Variants in DROSHA observed in about 807,000 individuals in gnomAD.
DROSHA encodes the protein ribonuclease 3.
A neutral mutation model predicts 181.9 loss-of-function variants in DROSHA; 56 were observed. The ratio of observed to expected loss-of-function variants is 0.31; its 90% CI spans 0.25 to 0.38. The LOEUF (loss-of-function observed/expected upper bound fraction) is 0.38, where lower values mean the gene tolerates loss of function less well. Among genes scored for constraint, DROSHA ranks in the 10% least tolerant of loss-of-function variants. The probability of loss-of-function intolerance (pLI) is 1.00; values close to 1 mark genes in which losing one functional copy is unlikely to be tolerated. For missense variants in DROSHA, 1,218 were observed against 1,743.5 expected (o/e 0.70, Z 5.37); for synonymous variants, 524 against 591.2 (o/e 0.89, Z 1.65).
chr5:31,419,121 A>G (rs1742323962), intron 30 of DROSHA, among the ~76,000 whole-genome samples: 1 of 152,204 alleles, frequency 6.6e-6, no homozygotes, highest in South Asian at 2.1e-4. Flanking sequence ...TAAAGAGGTA[A>G]GAGGAAACCC....
chr5:31,513,165 C>T (rs1561280001), intron 8 of DROSHA, among the ~76,000 whole-genome samples: 1 of 152,168 alleles, frequency 6.6e-6, no homozygotes, highest in African/African-American at 2.4e-5. Flanking sequence ...TCGGGCAAGA[C>T]ACTAGAAGAA....
At chr5:31,503,352 C>A (rs1737526062) in intron 11 of DROSHA, among the ~76,000 whole-genome samples, 1 of 152,200 alleles carries the variant, frequency 6.6e-6, no homozygotes, top group African/African-American at 2.4e-5. Flanking sequence ...CAAAATGGGA[C>A]CATTCCTCCA....
chr5:31,529,612 G>A (rs1344022871), intron 3 of DROSHA, among the ~76,000 whole-genome samples: 1 of 151,976 alleles, frequency 6.6e-6, no homozygotes, highest in Non-Finnish European at 1.5e-5. Flanking sequence ...GTGGGCGCCT[G>A]TAGTCCCAGC....
chr5:31,477,205 T>C (rs1330674247), intron 16 of DROSHA, among the ~76,000 whole-genome samples: 1 of 152,168 alleles, frequency 6.6e-6, no homozygotes, highest in Non-Finnish European at 1.5e-5. Context: ...GACCCAATTC[T>C]CTCAGTTTAT....
At chr5:31,510,504 A>T (rs1406457342) in intron 9 of DROSHA, among the ~76,000 whole-genome samples, 1 of 152,258 alleles carries the variant, frequency 6.6e-6, no homozygotes, top group Non-Finnish European at 1.5e-5. Context: ...AAGGATACAA[A>T]GTGATAAAAA....
chr5:31,446,703 TG>T (rs1216614773), intron 23 of DROSHA, among the ~76,000 whole-genome samples: 1 of 142,810 alleles, frequency 7.0e-6, no homozygotes, highest in Non-Finnish European at 1.5e-5. Context: ...AAGGTTAAGA[TG>T]GTAATCATCA....
chr5:31,449,230 A>G (rs1746677989), intron 22 of DROSHA, 51 bp downstream of exon 22: 3 of 1,604,174 alleles, frequency 1.9e-6, no homozygotes, highest in Non-Finnish European at 2.6e-6. Context: ...TTTACAACAG[A>G]AAACACAGGC....
intron 23 of DROSHA, among the ~76,000 whole-genome samples, chr5:31,447,893 T>C (rs1392080308): frequency 6.6e-6 from 1 of 152,208 alleles, no homozygotes; most frequent in Non-Finnish European, 1.5e-5. Flanking sequence ...GGATCCCTGC[T>C]ATATTGCTGC....
chr5:31,412,990 A>G (rs1741498682), intron 30 of DROSHA, among the ~76,000 whole-genome samples: 1 of 152,094 alleles, frequency 6.6e-6, no homozygotes, highest in Non-Finnish European at 1.5e-5. Context: ...ATGGGAAGAA[A>G]ACTCTTTAAG....
chr5:31,508,564 C>A, intron 10 of DROSHA, 57 bp downstream of exon 10: 1 of 1,608,852 alleles, frequency 6.2e-7, no homozygotes. Context: ...GAGCCCAGAG[C>A]AATAACCGTT....
Position 31,437,263 on chromosome 5 carries a change from TC to T in DROSHA, c.2917del (p.Asp973MetfsTer7). 6.3e-7 allele frequency: 1 copy of T among 1,580,602 alleles called. No homozygotes were observed. Among genetic ancestry groups the T allele is most frequent in the Non-Finnish European group, 8.6e-7 (1 of 1,162,160 alleles). ...NHNERLEFLGDAVVEFLTSVH... is the reference protein window; with the variant it reads ...NHNERLEFLGXAVVEFLTSVH... ...CCTGGTCAGAAATTCAACAACAGCA[TC>T]ACCCAGGAATTCCAACCGTTCATTG... On this transcript the variant is annotated frameshift_variant, in exon 24 of 36. Coordinates refer to ENST00000344624, the MANE Select transcript of DROSHA (RefSeq NM_001382508.1). LOFTEE classifies it high-confidence loss of function.
At chr5:31,478,317 C>CA (rs1302205171) in intron 16 of DROSHA, among the ~76,000 whole-genome samples, 1 of 151,694 alleles carries the variant, frequency 6.6e-6, no homozygotes, top group African/African-American at 2.4e-5. Context: ...AAGAAAAATC[C>CA]AAAAAAAACT....
chr5:31,524,178 C>T (rs1740257085), intron 5 of DROSHA, among the ~76,000 whole-genome samples: 1 of 152,122 alleles, frequency 6.6e-6, no homozygotes, highest in African/African-American at 2.4e-5. Context: ...TCTACCAGGC[C>T]ACCAGGGAGA....
chr5:31,457,123 C>CTTTTTTTT (rs5867080), intron 20 of DROSHA, among the ~76,000 whole-genome samples: 1 of 99,096 alleles, frequency 1.0e-5, no homozygotes, highest in African/African-American at 3.9e-5. Context: ...GAAATTAAGC[C>CTTTTTTTT]TTTTTTTTTT....
At chr5:31,483,464 G>A in intron 16 of DROSHA, 90 bp downstream of exon 16, 4 of 1,285,868 alleles carry the variant, frequency 3.1e-6, no homozygotes, top group Non-Finnish European at 4.5e-6. Context: ...TCGAAGGTGG[G>A]AAAGTTGTCC....
In DROSHA at chr5:31,531,210, T is replaced by C. The variant is rs139620468; in HGVS notation, c.-174+240A>G. Among the ~76,000 whole-genome samples the C allele has an allele frequency of 2.6e-5, 4 of 152,286 alleles. No homozygotes were observed. In the East Asian group the frequency reaches 5.8e-4, roughly 22 times the overall value. ...GCAATAAACACACAAAAAAGAGGTA[T>C]GTGCAGGGCTTAGGGGAACACAAAG... On this transcript the variant is annotated intron_variant, in intron 2 of 35. Coordinates refer to ENST00000344624, the MANE Select transcript of DROSHA (RefSeq NM_001382508.1).
intron 6 of DROSHA, among the ~76,000 whole-genome samples, chr5:31,520,575 C>T (rs188339056): frequency 2.6e-5 from 4 of 152,216 alleles, no homozygotes; most frequent in Admixed American, 2.0e-4. Context: ...ATTTTACAAA[C>T]GAAGACACTG....
In DROSHA at chr5:31,471,999, T is replaced by C. The variant is rs931872431; in HGVS notation, c.2241+64A>G. 4 of 1,434,538 alleles carry C rather than the reference T, an allele frequency of 2.8e-6. No homozygotes were observed. The Admixed American group carries it at 6.9e-5, about 25-fold the overall frequency. 88.9% of individuals were successfully genotyped at this position (1,434,538 alleles called of 1,614,324 possible). On this transcript the variant is annotated intron_variant, in intron 17 of 35. Transcript: ENST00000344624. Reference sequence around the variant, plus strand: ...TTAAAATGTGCTGTTACTGTTTTCATGAAACATTCAGATCTGGAAAAGAAG... The same window carrying C: ...TTAAAATGTGCTGTTACTGTTTTCACGAAACATTCAGATCTGGAAAAGAAG...
chr5:31,433,102 C>T (rs1188504061), intron 25 of DROSHA, among the ~76,000 whole-genome samples: 1 of 152,130 alleles, frequency 6.6e-6, no homozygotes, highest in Non-Finnish European at 1.5e-5. Context: ...TGAGTTCCAC[C>T]AGTCCTCAGA....
Sources: allele counts gnomAD v4.1 joint callset (sites outside exome capture counted in the v4.1 genomes callset), GRCh38; gene constraint gnomAD v4.1.1; transcripts MANE v1.5; gene names NCBI Gene and HGNC (gene_info 2026-07-23, HGNC 2026-07-21).